The following RB1CC1 variants were observed in gnomAD, a reference collection of about 807,000 sequenced individuals.
RB1CC1 encodes the protein RB1-inducible coiled-coil protein 1.
RB1CC1 carries 46 observed loss-of-function variants against 177.5 expected under a neutral mutation model. That is an observed-to-expected ratio of 0.26 (90% CI 0.20 to 0.33). RB1CC1 has a LOEUF of 0.33. RB1CC1 is among the 10% of genes least tolerant of loss of function. The probability of loss-of-function intolerance (pLI) is 1.00; values close to 1 mark genes in which losing one functional copy is unlikely to be tolerated. For synonymous variants in RB1CC1, 666 were observed against 613.6 expected (o/e 1.09, Z -1.26); for missense variants, 1,703 against 1,816.3 (o/e 0.94, Z 1.13).
At chr8:52,675,782 G>A (rs1248905931) in intron 6 of RB1CC1, among the ~76,000 whole-genome samples, 2 of 150,710 alleles carry the variant, frequency 1.3e-5, no homozygotes, top group Admixed American at 1.3e-4. Context: ...AGCTACTTGG[G>A]AGGCTGAGGC....
chr8:52,631,667 T>C (rs746297924), intron 20 of RB1CC1, among the ~76,000 whole-genome samples: 2 of 152,168 alleles, frequency 1.3e-5, no homozygotes, highest in South Asian at 2.1e-4. Flanking sequence ...ACGGCCAACA[T>C]TGGTCCAAAC....
At chr8:52,662,357 G>A (rs1851705871) in intron 8 of RB1CC1, among the ~76,000 whole-genome samples, 2 of 151,980 alleles carry the variant, frequency 1.3e-5, no homozygotes. Flanking sequence ...GGTGAACGGT[G>A]TATCTGTCAA....
intron 5 of RB1CC1, 41 bp downstream of exon 5, chr8:52,683,508 C>T (rs371230519): frequency 8.1e-6 from 12 of 1,485,390 alleles, no homozygotes; most frequent in African/African-American, 7.1e-5. Context: ...GATCCGAATG[C>T]TTTTAGAAAC....
chr8:52,706,681 G>A lies in RB1CC1; in HGVS notation c.-167+7394C>T, dbSNP rs532431561. ...CAGGAGGCGGAGCTTGCAGTAAGCCGAGATCTCGCCACTGCACTCTAGCCT... is the reference window on the plus strand; with the variant it reads ...CAGGAGGCGGAGCTTGCAGTAAGCCAAGATCTCGCCACTGCACTCTAGCCT... On this transcript the variant is annotated intron_variant, in intron 1 of 23. Transcript: ENST00000025008. 5.3e-5 allele frequency among the ~76,000 whole-genome samples: 8 copies of A among 150,726 alleles called. No individual in the cohort carries two copies. In the East Asian group the frequency reaches 1.2e-3, roughly 22 times the overall value.
At chr8:52,696,596 C>T (rs111630584) in intron 1 of RB1CC1, among the ~76,000 whole-genome samples, 4,457 of 152,158 alleles carry the variant, frequency 0.029, 245 homozygotes, top group African/African-American at 0.1. Context: ...AAAATCCATG[C>T]TGCATAATGA....
intron 5 of RB1CC1, among the ~76,000 whole-genome samples, chr8:52,678,011 A>T (rs1001843596): frequency 6.6e-6 from 1 of 152,228 alleles, no homozygotes; most frequent in Non-Finnish European, 1.5e-5. Context: ...AATTTTATGA[A>T]TTGTTAAAAT....
intron 15 of RB1CC1, among the ~76,000 whole-genome samples, chr8:52,647,971 G>C (rs910724395): frequency 2.6e-5 from 4 of 152,082 alleles, no homozygotes; most frequent in Admixed American, 2.0e-4. Context: ...AGAGAGGAAG[G>C]GGAGGCCATG....
rs1848159532 is a variant in RB1CC1 at position 52,623,105 on chromosome 8, T to C, written c.*677A>G. ...TTGAAATGGTTAGTAGCACAGACTC[T>C]TCCCTTTAGAACCCAGATGACCAAT... On this transcript the variant is annotated 3_prime_UTR_variant, in exon 24 of 24. Transcript: ENST00000025008. 4 of 153,554 alleles carry C rather than the reference T, an allele frequency of 2.6e-5. No individual in the cohort carries two copies. Among genetic ancestry groups the C allele is most frequent in the Admixed American group, 2.0e-4 (3 of 15,346 alleles). 9.5% of individuals were successfully genotyped at this position (153,554 alleles called of 1,614,324 possible).
intron 5 of RB1CC1, among the ~76,000 whole-genome samples, chr8:52,676,788 A>G (rs547256925): frequency 6.6e-6 from 1 of 152,328 alleles, no homozygotes; most frequent in East Asian, 1.9e-4. Context: ...GAGACAGTCA[A>G]AAGAAGAATC....
At chr8:52,674,770 C>CAAA (rs779344001) in intron 6 of RB1CC1, among the ~76,000 whole-genome samples, 3 of 59,842 alleles carry the variant, frequency 5.0e-5, no homozygotes, top group African/African-American at 1.8e-4. Context: ...GGCTCCGTCT[C>CAAA]AAAAAAAAAA....
chr8:52,710,406 T>G (rs2150729725), intron 1 of RB1CC1, among the ~76,000 whole-genome samples: 1 of 152,310 alleles, frequency 6.6e-6, no homozygotes, highest in Middle Eastern at 3.4e-3. Context: ...AGGAATACTT[T>G]TAAAACAAAA....
chr8:52,628,490 T>C (rs1471895319), intron 21 of RB1CC1, among the ~76,000 whole-genome samples: 1 of 152,200 alleles, frequency 6.6e-6, no homozygotes, highest in Non-Finnish European at 1.5e-5. Flanking sequence ...GCAAGATTTT[T>C]TTCTCCTAAT....
intron 7 of RB1CC1, among the ~76,000 whole-genome samples, chr8:52,672,768 C>T (rs1243872998): frequency 6.6e-6 from 1 of 151,992 alleles, no homozygotes; most frequent in Non-Finnish European, 1.5e-5. Context: ...AAACAAAATA[C>T]CTTAATTATT....
At chr8:52,665,717 A>G (rs1852011132) in intron 8 of RB1CC1, among the ~76,000 whole-genome samples, 1 of 152,184 alleles carries the variant, frequency 6.6e-6, no homozygotes, top group African/African-American at 2.4e-5. Context: ...GAAAGCAGTG[A>G]AGAAGCCAGG....
intron 15 of RB1CC1, among the ~76,000 whole-genome samples, chr8:52,650,704 A>C (rs1233205943): frequency 1.3e-5 from 2 of 152,210 alleles, no homozygotes; most frequent in Non-Finnish European, 2.9e-5. Context: ...TGAAAGCAGT[A>C]ATGACCTCAG....
intron 3 of RB1CC1, 85 bp downstream of exon 3, chr8:52,685,314 T>C (rs1854174706): frequency 9.3e-7 from 1 of 1,077,770 alleles, no homozygotes; most frequent in Non-Finnish European, 1.4e-6. Context: ...GCCATTATCC[T>C]ACTTTTTAAA....
At chr8:52,645,895 A>T (rs995893869) in intron 15 of RB1CC1, 28 bp from the exon 16 acceptor site, 10 of 1,402,816 alleles carry the variant, frequency 7.1e-6, no homozygotes, top group South Asian at 4.0e-5. Context: ...GCATTAAATT[A>T]AAAAAAAAAT....
chr8:52,629,643 G>T (rs150227755), intron 21 of RB1CC1, among the ~76,000 whole-genome samples: 22 of 152,278 alleles, frequency 1.4e-4, no homozygotes, highest in African/African-American at 5.3e-4. Context: ...GGTTAAGCCT[G>T]ATAAGAAACA....
chr8:52,634,029 A>C (rs939095340), intron 20 of RB1CC1, among the ~76,000 whole-genome samples: 10 of 152,194 alleles, frequency 6.6e-5, no homozygotes, highest in African/African-American at 2.4e-4. Flanking sequence ...AGACAGGAGG[A>C]TTGCTTGAGC....
Sources: gnomAD v4.1 joint callset for allele counts (sites outside exome capture counted in the v4.1 genomes callset) on GRCh38, gnomAD v4.1.1 for gene constraint, MANE v1.5 for transcripts, NCBI Gene and HGNC (gene_info 2026-07-23, HGNC 2026-07-21) for gene names.